The following HACL1 variants were observed in gnomAD, a reference collection of about 807,000 sequenced individuals.
HACL1 encodes 2-hydroxyacyl-CoA lyase 1.
In HACL1, 64 loss-of-function variants were observed where a neutral mutation model predicts 74.2. The ratio of observed to expected loss-of-function variants is 0.86; its 90% CI spans 0.70 to 1.06. The LOEUF is 1.06. HACL1 is among the 50% of genes least tolerant of loss of function. The pLI is 0.00. For synonymous variants in HACL1, 230 were observed against 238.8 expected (o/e 0.96, Z 0.34); for missense variants, 728 against 719.7 (o/e 1.01, Z -0.13).
intron 9 of HACL1, among the ~76,000 whole-genome samples, chr3:15,575,792 T>C (rs1386935244): frequency 2.6e-5 from 4 of 152,042 alleles, no homozygotes; most frequent in Admixed American, 6.6e-5. Context: ...TCGCCCACCT[T>C]GGCCTCCCAA....
Position 15,582,898 on chromosome 3 carries a change from G to T in HACL1, c.646C>A (p.Pro216Thr), listed in dbSNP as rs753093196. The change falls in exon 8 of 17, where the codon CCC (proline) becomes ACC (threonine). Residue 216 changes from proline (P) to threonine (T), a missense_variant. Pro to Thr is a conservative substitution (Grantham distance 38). Transcript: ENST00000321169. ...AASVIRNAKQ[P>T]LLIIGKGAAY... ...CTACCTTTCCCGATGATAAGAAGGGGTTGTTTGGCATTCCTAATAACAGAA... is the reference window on the plus strand; with the variant it reads ...CTACCTTTCCCGATGATAAGAAGGGTTTGTTTGGCATTCCTAATAACAGAA... 2 of 1,595,302 alleles carry T rather than the reference G, an allele frequency of 1.3e-6. No homozygotes were observed. Among genetic ancestry groups the T allele is most frequent in the South Asian group, 2.2e-5 (2 of 90,582 alleles).
At chr3:15,565,090 G>A (rs908232300) in intron 14 of HACL1, among the ~76,000 whole-genome samples, 2 of 151,946 alleles carry the variant, frequency 1.3e-5, no homozygotes, top group Non-Finnish European at 2.9e-5. Context: ...GCTTGAACCC[G>A]GGAGGCGGAG....
intron 2 of HACL1, 121 bp from the exon 3 acceptor site, chr3:15,596,545 C>T: frequency 1.6e-6 from 1 of 638,078 alleles, no homozygotes; most frequent in South Asian, 1.9e-5. Flanking sequence ...AAAATATTTC[C>T]AACCTTAGTA....
At position 15,564,563 on chromosome 3, in the gene HACL1, T is replaced by A; in HGVS notation, c.1505A>T (p.Asp502Val). The A allele has an allele frequency of 7.0e-7, 1 of 1,424,992 alleles. No homozygotes were observed. Among genetic ancestry groups the A allele is most frequent in the Non-Finnish European group, 9.9e-7 (1 of 1,015,176 alleles). 88.3% of individuals were successfully genotyped at this position (1,424,992 alleles called of 1,614,324 possible). ...DTWKEMLKFQDATAVVPPMCL... is the reference protein window; with the variant it reads ...DTWKEMLKFQVATAVVPPMCL... The stretch of plus-strand genomic sequence containing the variant: ...CTTGGTTACTTACACTGCAGTAGCA[T>A]CTTGAAATTTTAACATTTCTTTCCA... The change falls in exon 15 of 17, where the codon GAT becomes GTT. Residue 502 changes from aspartate (D) to valine (V), a missense_variant. Asp to Val is a radical substitution (Grantham distance 152, BLOSUM62 -3). Transcript: ENST00000321169.
intron 13 of HACL1, among the ~76,000 whole-genome samples, 165 bp from the exon 14 acceptor site, chr3:15,568,167 G>T (rs1272531342): frequency 6.6e-6 from 1 of 152,122 alleles, no homozygotes; most frequent in Non-Finnish European, 1.5e-5. Flanking sequence ...GAACTAATTT[G>T]TCAAGGATAG....
chr3:15,594,510 C>T (rs76462380), intron 3 of HACL1, among the ~76,000 whole-genome samples: 3,013 of 152,286 alleles, frequency 0.02, 105 homozygotes, highest in African/African-American at 0.069. Flanking sequence ...CCATTTTACA[C>T]TTATAAAATA....
intron 3 of HACL1, among the ~76,000 whole-genome samples, chr3:15,592,066 G>C (rs913517322): frequency 5.2e-3 from 78 of 14,870 alleles, no homozygotes; most frequent in African/African-American, 0.014. Flanking sequence ...GTATATATAC[G>C]TATATACGTA....
intron 10 of HACL1, 112 bp from the exon 11 acceptor site, chr3:15,573,354 A>G: frequency 1.5e-6 from 1 of 648,306 alleles, no homozygotes; most frequent in Non-Finnish European, 2.7e-6. Context: ...GATAAAGAAG[A>G]TTTGATATTC....
chr3:15,583,015 A>C (rs765187254), intron 7 of HACL1, 26 bp from the exon 8 acceptor site: 8 of 1,050,088 alleles, frequency 7.6e-6, no homozygotes, highest in Non-Finnish European at 7.3e-6. Flanking sequence ...CCTATTAATT[A>C]AAAGAGGCCA....
rs147764927 is a variant in HACL1 at position 15,564,605 on chromosome 3, C to T, written c.1463G>A (p.Gly488Asp). 2.5e-5 allele frequency: 40 copies of T among 1,582,500 alleles called. No individual in the cohort carries two copies. The South Asian group carries it at 3.6e-4, about 14-fold the overall frequency. The change falls in exon 15 of 17, where the codon GGT becomes GAT. Residue 488 changes from glycine (G) to aspartate (D), a missense_variant. Coordinates refer to ENST00000321169, the MANE Select transcript of HACL1 (RefSeq NM_012260.4). ...LVVNNNGIYQGFDTDTWKEML... is the reference protein window; with the variant it reads ...LVVNNNGIYQDFDTDTWKEML... ...TTCTTTCCAAGTATCTGTATCAAAACCTTGGTAAATTCCATTGTTATTCAC... is the reference window on the plus strand; with the variant it reads ...TTCTTTCCAAGTATCTGTATCAAAATCTTGGTAAATTCCATTGTTATTCAC...
intron 2 of HACL1, 110 bp downstream of exon 2, chr3:15,600,980 T>C (rs773698729): frequency 1.5e-4 from 103 of 708,428 alleles, no homozygotes; most frequent in African/African-American, 9.4e-4. Context: ...ATATGATATA[T>C]GTAAAGTAGC....
rs755252116 is a variant in HACL1 at position 15,585,265 on chromosome 3, C to T, written c.537G>A (p.Val179=). 3 of 1,564,672 alleles carry T rather than the reference C, an allele frequency of 1.9e-6. No individual in the cohort carries two copies. The East Asian group carries it at 6.7e-5, about 35-fold the overall frequency. Residue 179 remains valine, a synonymous_variant, in exon 7 of 17, where the codon GTG becomes GTA. Transcript: ENST00000321169. The part of the protein sequence containing the change: ...DIPADFVNLQ[V]NVNSIKYMER... ...TTACTCACTTTATAGAATTCACATT[C>T]ACCTGAAGGTTCACAAAATCTGCTG...
At position 15,579,894 on chromosome 3, in the gene HACL1, C is replaced by T; in HGVS notation, c.803+16G>A. On this transcript the variant is annotated intron_variant, in intron 9 of 16. Coordinates refer to ENST00000321169, the MANE Select transcript of HACL1 (RefSeq NM_012260.4). ...TCTACCAAGCCATTGTATTTAAAATCTGGAATGCCACACACCTGGATCTGG... is the reference window on the plus strand; with the variant it reads ...TCTACCAAGCCATTGTATTTAAAATTTGGAATGCCACACACCTGGATCTGG... The T allele has an allele frequency of 6.5e-7, 1 of 1,537,574 alleles. No individual in the cohort carries two copies. Among genetic ancestry groups the T allele is most frequent in the Non-Finnish European group, 8.8e-7 (1 of 1,140,054 alleles).
chr3:15,596,523 A>G, intron 2 of HACL1, 99 bp from the exon 3 acceptor site: 1 of 706,514 alleles, frequency 1.4e-6, no homozygotes, highest in South Asian at 1.7e-5. Flanking sequence ...ACATAGTGGT[A>G]AAGGCAGAAT....
chr3:15,601,545 A>C lies in HACL1; in HGVS notation c.-82T>G, dbSNP rs1359174567. 9.3e-6 allele frequency: 15 copies of C among 1,605,160 alleles called. No individual in the cohort carries two copies. Among genetic ancestry groups the C allele is most frequent in the Non-Finnish European group, 1.1e-5 (13 of 1,179,652 alleles). ...GCAAGGCAAACGCGAAATCGGCAGC[A>C]CGCCACCTCTGGTACTGCACCTCTG... is the stretch of plus-strand genomic sequence containing the variant. On this transcript the variant is annotated 5_prime_UTR_variant, in exon 1 of 17. Transcript: ENST00000321169.
chr3:15,597,464 G>C (rs1351649904), intron 2 of HACL1, among the ~76,000 whole-genome samples: 1 of 151,016 alleles, frequency 6.6e-6, no homozygotes, highest in Non-Finnish European at 1.5e-5. Context: ...GGAAAATGCT[G>C]AGTGCTCTCT....
Position 15,582,981 on chromosome 3 carries a change from TCCATGTA to T in HACL1, c.556_562del (p.Tyr186AsnfsTer75). ...GCTAATAGGAGGTGACATGCAGCGTTCCATGTACCTGGAAAAAAAGAGCCCTATTAAT... is the reference window on the plus strand; with the variant it reads ...GCTAATAGGAGGTGACATGCAGCGTTCCTGGAAAAAAAGAGCCCTATTAAT... On this transcript the variant is annotated frameshift_variant and splice_region_variant, in exon 8 of 17. Coordinates refer to ENST00000321169, the MANE Select transcript of HACL1 (RefSeq NM_012260.4). LOFTEE classifies it high-confidence loss of function. 1.3e-6 allele frequency: 2 copies of T among 1,567,160 alleles called. No individual in the cohort carries two copies. The highest frequency in any genetic ancestry group is 1.7e-6 in the Non-Finnish European group (2 of 1,144,072).
rs1247407341 is a variant in HACL1 at position 15,589,710 on chromosome 3, AG to A, written c.309-99del. On this transcript the variant is annotated intron_variant, in intron 4 of 16. Transcript: ENST00000321169. ...ATTCACAACAAATAATAAATGTTAA[AG>A]GGAGAGAATATTATATTTTTTTCTT... 8 of 801,150 alleles carry A rather than the reference AG, an allele frequency of 1.0e-5. No individual in the cohort carries two copies. The Admixed American group carries it at 1.7e-4, about 17-fold the overall frequency. 49.6% of individuals were successfully genotyped at this position (801,150 alleles called of 1,614,324 possible).
intron 2 of HACL1, among the ~76,000 whole-genome samples, chr3:15,599,327 C>T (rs566459026): frequency 1.3e-5 from 2 of 152,308 alleles, no homozygotes; most frequent in Non-Finnish European, 2.9e-5. Context: ...AGACAGAGGT[C>T]GTGCTATGTT....
Sources: gnomAD v4.1 joint callset for allele counts (sites outside exome capture counted in the v4.1 genomes callset) on GRCh38, gnomAD v4.1.1 for gene constraint, MANE v1.5 for transcripts, NCBI Gene and HGNC (gene_info 2026-07-23, HGNC 2026-07-21) for gene names.